The following LACC1 variants were observed in gnomAD, a reference collection of about 807,000 sequenced individuals.
LACC1 encodes the protein purine nucleoside phosphorylase LACC1.
A neutral mutation model predicts 34.8 loss-of-function variants in LACC1; 25 were observed. That is an observed-to-expected ratio of 0.72 (90% CI 0.52 to 1.00). The LOEUF is 1.00. Ranked by LOEUF, LACC1 falls within the 50% of genes least tolerant of loss-of-function variation. The pLI is 0.00. For missense variants in LACC1, 426 were observed against 511.2 expected, an observed-to-expected ratio of 0.83 and a Z score of 1.61; for synonymous variants, 162 against 168.0, an observed-to-expected ratio of 0.96 and a Z score of 0.28.
In LACC1 at chr13:43,881,393, G is replaced by A. The variant is rs756338527; in HGVS notation, c.408G>A (p.Val136=). The part of the protein sequence containing the change: ...VYNFEFEDLQ[V]TFRGGLFKQS... ...ATTTTGAATTTGAAGATTTGCAAGTGACTTTTAGGGGAGGGCTTTTTAAAC... is the reference window on the plus strand; with the variant it reads ...ATTTTGAATTTGAAGATTTGCAAGTAACTTTTAGGGGAGGGCTTTTTAAAC... Residue 136 remains valine (V), a synonymous_variant, in exon 2 of 7, where the codon GTG becomes GTA. Coordinates refer to ENST00000325686, the MANE Select transcript of LACC1 (RefSeq NM_153218.4). 3 of 1,614,102 alleles carry A rather than the reference G, an allele frequency of 1.9e-6. No individual in the cohort carries two copies. The Admixed American group carries it at 5.0e-5, about 27-fold the overall frequency.
intron 5 of LACC1, among the ~76,000 whole-genome samples, chr13:43,889,420 C>T (rs1194949606): frequency 6.6e-6 from 1 of 152,066 alleles, no homozygotes; most frequent in Non-Finnish European, 1.5e-5. Flanking sequence ...TATAAATACA[C>T]GGTTTTTTAC....
At position 43,892,527 on chromosome 13, in the gene LACC1, GAA is replaced by G. The variant is rs1241214012; in HGVS notation, c.*1081_*1082del. 6.6e-6 allele frequency: 1 copy of G among 152,032 alleles called. No individual in the cohort carries two copies. The highest frequency in any genetic ancestry group is 2.4e-5 in the African/African-American group (1 of 41,418). The allele number at this position is 152,032 out of a possible 1,614,324, so 9.4% of individuals were successfully genotyped here. On this transcript the variant is annotated 3_prime_UTR_variant, in exon 7 of 7. Transcript: ENST00000325686. Reference sequence around the variant, plus strand: ...GAGGGAGAAGGTTTGGAAAAAGAGAGAAGGATAATGAGTTTGACTTTACATAG... The same window carrying G: ...GAGGGAGAAGGTTTGGAAAAAGAGAGGGATAATGAGTTTGACTTTACATAG...
intron 1 of LACC1, 90 bp from the exon 2 acceptor site, chr13:43,880,862 T>C (rs1679469137): frequency 1.2e-6 from 1 of 809,526 alleles, no homozygotes; most frequent in African/African-American, 1.7e-5. Flanking sequence ...AAAATCAGTG[T>C]AATTACTTCG....
intron 4 of LACC1, among the ~76,000 whole-genome samples, chr13:43,887,228 T>C (rs570118607): frequency 6.6e-6 from 1 of 152,308 alleles, no homozygotes; most frequent in African/African-American, 2.4e-5. Context: ...TAACCACATA[T>C]TCAGTGGGTT....
intron 3 of LACC1, among the ~76,000 whole-genome samples, chr13:43,882,566 T>TATATATAC (rs1555395035): frequency 7.1e-6 from 1 of 141,068 alleles, no homozygotes; most frequent in Non-Finnish European, 1.5e-5. Context: ...CACGTGCAGA[T>TATATATAC]ATATATATAT....
At chr13:43,891,411 A>C in intron 6 of LACC1, 38 bp from the exon 7 acceptor site, 1 of 942,198 alleles carries the variant, frequency 1.1e-6, no homozygotes, top group Non-Finnish European at 1.3e-6. Context: ...TAATAACACC[A>C]GTAAGCGTCT....
chr13:43,883,917 A>G lies in LACC1; in HGVS notation c.888A>G (p.Ala296=). The G allele has an allele frequency of 6.2e-7, 1 of 1,612,694 alleles. No individual in the cohort carries two copies. The highest frequency in any genetic ancestry group is 8.5e-7 in the Non-Finnish European group (1 of 1,179,112). ...PIVFADPVKK[A]CGVAHAGWKG... Reference sequence around the variant, plus strand: ...TTTTTGCAGATCCAGTCAAAAAAGCATGTGGGGTTGCTCACGCTGGTAAGT... The same window carrying G: ...TTTTTGCAGATCCAGTCAAAAAAGCGTGTGGGGTTGCTCACGCTGGTAAGT... Residue 296 remains alanine, a synonymous_variant, in exon 4 of 7, where the codon GCA becomes GCG. Transcript: ENST00000325686.
rs1394769494 is a variant in LACC1 at position 43,893,101 on chromosome 13, A to T, written c.*1654A>T. ...TTTTCATTTGGGAAAAATTGTATAT[A>T]TATTTAATGTAAGTTATCACATTGC... is the stretch of plus-strand genomic sequence containing the variant. On this transcript the variant is annotated 3_prime_UTR_variant, in exon 7 of 7. Transcript: ENST00000325686. 6.6e-6 allele frequency: 1 copy of T among 152,214 alleles called. No homozygotes were observed. The highest frequency in any genetic ancestry group is 2.4e-5 in the African/African-American group (1 of 41,452). The allele number at this position is 152,214 out of a possible 1,614,324, so 9.4% of individuals were successfully genotyped here. A position where few individuals can be genotyped will look rare whatever the true frequency, so the allele number is the denominator to read the frequency against.
rs1219369037 is a variant in LACC1, at chr13:43,883,753, G to A, written c.742-18G>A. 7 of 1,571,774 alleles carry A rather than the reference G, an allele frequency of 4.5e-6. No homozygotes were observed. Among genetic ancestry groups the A allele is most frequent in the African/African-American group, 2.7e-5 (2 of 73,354 alleles). On this transcript the variant is annotated intron_variant, in intron 3 of 6. Coordinates refer to ENST00000325686, the MANE Select transcript of LACC1 (RefSeq NM_153218.4). Reference sequence around the variant, plus strand: ...ATACTATTTCCAAAACATTTTTGTTGCACATTTTTGGTATTAGACTCATCA... The same window carrying A: ...ATACTATTTCCAAAACATTTTTGTTACACATTTTTGGTATTAGACTCATCA...
Position 43,891,475 on chromosome 13 carries a change from G to A in LACC1, c.*28G>A. 1.0e-6 allele frequency: 1 copy of A among 984,834 alleles called. No homozygotes were observed. 61.0% of individuals were successfully genotyped at this position (984,834 alleles called of 1,614,324 possible). A position where few individuals can be genotyped will look rare whatever the true frequency, so the allele number is the denominator to read the frequency against. ...TACTTGACTGGATTTTTGTATAACTGCTTCCTGCCTCCTTCCAAACTGACT... is the reference window on the plus strand; with the variant it reads ...TACTTGACTGGATTTTTGTATAACTACTTCCTGCCTCCTTCCAAACTGACT... On this transcript the variant is annotated 3_prime_UTR_variant, in exon 7 of 7. Transcript: ENST00000325686.
At chr13:43,889,880 A>G in intron 5 of LACC1, 2 of 409,896 alleles carry the variant, frequency 4.9e-6, no homozygotes, top group Non-Finnish European at 8.6e-6. Context: ...TTATGTCTAT[A>G]AGACAATATG....
chr13:43,886,695 C>T (rs772912126), intron 4 of LACC1, among the ~76,000 whole-genome samples: 2 of 152,076 alleles, frequency 1.3e-5, no homozygotes, highest in Non-Finnish European at 2.9e-5. Flanking sequence ...CACGAAACCC[C>T]AGTGACATGC....
intron 4 of LACC1, 97 bp downstream of exon 4, chr13:43,884,033 C>T: frequency 4.1e-6 from 4 of 970,990 alleles, no homozygotes; most frequent in East Asian, 2.5e-5. Context: ...CAGTTAATTA[C>T]ATTACACTGT....
At chr13:43,879,740 T>TGAGGCGGGGCGAGGTGGGC (rs1555394114), upstream of LACC1, 7,378 of 126,902 alleles carry the variant, frequency 0.058, 542 homozygotes, top group Non-Finnish European at 0.081. Context: ...GCGAGGTAGG[T>TGAGGCGGGGCGAGGTGGGC]GAGGTGAGGC....
intron 3 of LACC1, 54 bp downstream of exon 3, chr13:43,882,417 A>G: frequency 1.5e-6 from 2 of 1,356,180 alleles, no homozygotes; most frequent in Non-Finnish European, 2.0e-6. Context: ...TTACTTTGCT[A>G]GTAACTACAT....
At chr13:43,879,700 G>C (rs997074490), upstream of LACC1, 8 of 153,812 alleles carry the variant, frequency 5.2e-5, no homozygotes, top group African/African-American at 1.9e-4. Flanking sequence ...ATCCTGGGAC[G>C]GTATCAGGCG....
chr13:43,885,453 C>T (rs1245970207), intron 4 of LACC1, among the ~76,000 whole-genome samples: 2 of 152,076 alleles, frequency 1.3e-5, no homozygotes, highest in Admixed American at 1.3e-4. Context: ...AATAAAGCCA[C>T]ACACCTACAA....
At chr13:43,884,065 G>C in intron 4 of LACC1, 129 bp downstream of exon 4, 1 of 636,658 alleles carries the variant, frequency 1.6e-6, no homozygotes, top group Non-Finnish European at 2.6e-6. Context: ...TGATGGGAGA[G>C]GCGGCATAGT....
At chr13:43,879,805 A>AGGCGG (rs1566961082), upstream of LACC1, 2 of 42,580 alleles carry the variant, frequency 4.7e-5, no homozygotes, top group African/African-American at 1.4e-4. Flanking sequence ...GGGCGAGGCG[A>AGGCGG]GGCGGGGCGA....
Sources: allele counts gnomAD v4.1 joint callset (sites outside exome capture counted in the v4.1 genomes callset), GRCh38; gene constraint gnomAD v4.1.1; transcripts MANE v1.5; gene names NCBI Gene and HGNC (gene_info 2026-07-23, HGNC 2026-07-21).